The following AGAP1 variants were observed in gnomAD, a reference collection of about 807,000 sequenced individuals.
AGAP1 encodes the protein ArfGAP with GTPase domain, ankyrin repeat and PH domain 1.
A neutral mutation model predicts 105.3 loss-of-function variants in AGAP1; 29 were observed. The observed-to-expected ratio is 0.28, with a 90% CI of 0.21 to 0.38. The LOEUF (loss-of-function observed/expected upper bound fraction) is 0.38. AGAP1 is among the 10% of genes least tolerant of loss of function. The pLI is 1.00. For missense variants in AGAP1, 998 were observed against 1,165.1 expected (o/e 0.86, Z 2.09); for synonymous variants, 509 against 485.9 (o/e 1.05, Z -0.63).
chr2:235,978,222 T>C (rs911779770), intron 13 of AGAP1, among the ~76,000 whole-genome samples: 1 of 152,148 alleles, frequency 6.6e-6, no homozygotes, highest in East Asian at 1.9e-4. Context: ...GAGACAAACA[T>C]TCAGTCTGTA....
rs1215091408 is a variant in AGAP1, at chr2:235,801,996, C to CTGGG, written c.957+2476_957+2479dup. On this transcript the variant is annotated intron_variant, in intron 8 of 17. Transcript: ENST00000304032. The surrounding 1 kb of genome is among the most constrained non-coding windows in gnomAD (Gnocchi z 6.0). The stretch of plus-strand genomic sequence containing the variant: ...CAGTGTGCCAGAAAGTAGTATCCCA[C>CTGGG]TGGGTACCTGACAACCCAGGTGACT... 6.6e-6 allele frequency among the ~76,000 whole-genome samples: 1 copy of CTGGG among 152,150 alleles called. No homozygotes were observed. Among genetic ancestry groups the CTGGG allele is most frequent in the Non-Finnish European group, 1.5e-5 (1 of 68,038 alleles).
rs2049690403 is a variant in AGAP1 at position 235,875,664 on chromosome 2, TC to T, written c.1051-7678del. ...TCCCGGGAGTGTGTGGTCTCCTGTT[TC>T]CCATCTGCATTTGCTTATGGGGCGC... On this transcript the variant is annotated intron_variant, in intron 9 of 17. Coordinates refer to ENST00000304032, the MANE Select transcript of AGAP1 (RefSeq NM_001037131.3). This position sits in a 1 kb window ranked among gnomAD's most constrained non-coding sequence, Gnocchi z 4.0. Among the ~76,000 whole-genome samples, 1 of 152,162 alleles carries T rather than the reference TC, an allele frequency of 6.6e-6. No individual in the cohort carries two copies. The highest frequency in any genetic ancestry group is 2.4e-5 in the African/African-American group (1 of 41,452).
chr2:236,022,619 C>T (rs933938592), intron 13 of AGAP1, among the ~76,000 whole-genome samples: 7 of 152,164 alleles, frequency 4.6e-5, no homozygotes, highest in Non-Finnish European at 8.8e-5. Context: ...ACTGCAGCCT[C>T]CACCTCCAGG....
At chr2:235,929,230 G>A (rs2052601470) in intron 11 of AGAP1, among the ~76,000 whole-genome samples, 1 of 152,120 alleles carries the variant, frequency 6.6e-6, no homozygotes, top group Admixed American at 6.6e-5. Flanking sequence ...TGGCTGGAGT[G>A]GTTTTTTTAA....
At position 235,835,071 on chromosome 2, in the gene AGAP1, C is replaced by T. The variant is rs75538300; in HGVS notation, c.1050+27740C>T. Among the ~76,000 whole-genome samples the T allele has an allele frequency of 2.6e-3, 400 of 152,324 alleles. 1 individual carries two copies. Among genetic ancestry groups the T allele is most frequent in the African/African-American group, 9.0e-3 (376 of 41,580 alleles). ...CTCGGCCTCACACCTCCCCCGTTCC[C>T]GATTCTCTACTTTTGCTCTCCCCGA... On this transcript the variant is annotated intron_variant, in intron 9 of 17. Transcript: ENST00000304032.
Position 235,988,123 on chromosome 2 carries a change from GC to G in AGAP1, c.1645+19502del, listed in dbSNP as rs1311188912. Among the ~76,000 whole-genome samples the G allele has an allele frequency of 6.6e-6, 1 of 152,040 alleles. No homozygotes were observed. Among genetic ancestry groups the G allele is most frequent in the Non-Finnish European group, 1.5e-5 (1 of 67,982 alleles). ...GGTGGCATGATCTCGGCTCACTGAA[GC>G]CTCCACCTCCAAAGTTCAAGTGATT... On this transcript the variant is annotated intron_variant, in intron 13 of 17. Coordinates refer to ENST00000304032, the MANE Select transcript of AGAP1 (RefSeq NM_001037131.3). This position sits in a 1 kb window ranked among gnomAD's most constrained non-coding sequence, Gnocchi z 4.7.
chr2:236,050,460 A>AG lies in AGAP1; in HGVS notation c.2114+1180dup, dbSNP rs1374865982. On this transcript the variant is annotated intron_variant, in intron 16 of 17. Transcript: ENST00000304032. This position sits in a 1 kb window ranked among gnomAD's most constrained non-coding sequence, Gnocchi z 4.0. ...CTTTATGAGTTATGCTCTATAGTGTAGACAGGGGTAAGTTTCTTACAAACC... is the reference window on the plus strand; with the variant it reads ...CTTTATGAGTTATGCTCTATAGTGTAGGACAGGGGTAAGTTTCTTACAAACC... Among the ~76,000 whole-genome samples the AG allele has an allele frequency of 1.2e-4, 18 of 152,370 alleles. No individual in the cohort carries two copies. Among genetic ancestry groups the AG allele is most frequent in the Middle Eastern group, 3.4e-3 (1 of 294 alleles).
intron 1 of AGAP1, among the ~76,000 whole-genome samples, chr2:235,645,260 T>C (rs1947336052): frequency 6.6e-6 from 1 of 152,084 alleles, no homozygotes. Flanking sequence ...AGAATTACAG[T>C]TGAAAACTAA....
intron 1 of AGAP1, among the ~76,000 whole-genome samples, chr2:235,518,173 G>T (rs1942473920): frequency 6.6e-6 from 1 of 152,144 alleles, no homozygotes; most frequent in Non-Finnish European, 1.5e-5. Flanking sequence ...CTGTTCTGCT[G>T]CATTGGTTTC....
intron 10 of AGAP1, among the ~76,000 whole-genome samples, chr2:235,907,269 C>T (rs75165280): frequency 2.0e-5 from 3 of 152,310 alleles, no homozygotes; most frequent in Non-Finnish European, 4.4e-5. Flanking sequence ...CACCCTGCCT[C>T]GGTCCCTTGC....
Position 235,541,376 on chromosome 2 carries a change from C to CTTTTTTTT in AGAP1, c.163+46549_163+46556dup, listed in dbSNP as rs556785424. On this transcript the variant is annotated intron_variant, in intron 1 of 17. Transcript: ENST00000304032. ...ATTATTTCCTTTTTCCATTCTTATT[C>CTTTTTTTT]TTTTTTTTTTTTTTTTTTTTTTTTT... is the stretch of plus-strand genomic sequence containing the variant. Among the ~76,000 whole-genome samples, 56 of 91,100 alleles carry CTTTTTTTT rather than the reference C, an allele frequency of 6.1e-4. 2 individuals are homozygous for CTTTTTTTT. Among genetic ancestry groups the CTTTTTTTT allele is most frequent in the Non-Finnish European group, 8.8e-4 (41 of 46,548 alleles). 59.8% of individuals were successfully genotyped at this position (91,100 alleles called of 152,430 possible). A position where few individuals can be genotyped will look rare whatever the true frequency, so the allele number is the denominator to read the frequency against.
chr2:235,584,193 C>CTT (rs11447483), intron 1 of AGAP1, among the ~76,000 whole-genome samples: 18,650 of 139,818 alleles, frequency 0.13, 1,500 homozygotes, highest in Admixed American at 0.16. Context: ...CAATAAACCA[C>CTT]TTTTTTTTTT....
At chr2:235,585,466 G>C (rs987057908) in intron 1 of AGAP1, among the ~76,000 whole-genome samples, 1 of 152,170 alleles carries the variant, frequency 6.6e-6, no homozygotes, top group Non-Finnish European at 1.5e-5. Context: ...CTCTTCACAT[G>C]CACACAGTGG....
At chr2:235,494,963 C>A (rs3738998) in intron 1 of AGAP1, 114 bp downstream of exon 1, 610,016 of 1,094,724 alleles carry the variant, frequency 0.56, 171,399 homozygotes, top group East Asian at 0.68. Flanking sequence ...CACGCGGCTG[C>A]TCCGCCGAGG....
chr2:235,819,120 T>C (rs866194568), intron 9 of AGAP1, among the ~76,000 whole-genome samples: 2 of 150,474 alleles, frequency 1.3e-5, no homozygotes, highest in Non-Finnish European at 3.0e-5. Flanking sequence ...TTCTTTTCTT[T>C]TTTTTTTTTT....
Position 235,792,762 on chromosome 2 carries a change from C to T in AGAP1, c.674-4997C>T, listed in dbSNP as rs1047322088. Among the ~76,000 whole-genome samples the T allele has an allele frequency of 3.5e-4, 54 of 152,128 alleles. 1 individual carries two copies. Among genetic ancestry groups the T allele is most frequent in the Admixed American group, 1.2e-3 (18 of 15,278 alleles). On this transcript the variant is annotated intron_variant, in intron 6 of 17. Coordinates refer to ENST00000304032, the MANE Select transcript of AGAP1 (RefSeq NM_001037131.3). The surrounding 1 kb of genome is among the most constrained non-coding windows in gnomAD (Gnocchi z 5.3). ...AGGCTAGGAGGCCCAGGCTGGGCGGCGCGGACTTGAAGGCGCCTCTAGCAG... is the reference window on the plus strand; with the variant it reads ...AGGCTAGGAGGCCCAGGCTGGGCGGTGCGGACTTGAAGGCGCCTCTAGCAG...
Position 236,124,123 on chromosome 2 carries a change from G to A in AGAP1, c.*1G>A. 6.2e-7 allele frequency: 1 copy of A among 1,613,424 alleles called. No individual in the cohort carries two copies. Among genetic ancestry groups the A allele is most frequent in the Non-Finnish European group, 8.5e-7 (1 of 1,179,754 alleles). ...TGGGAGGGTGCCCACCATCATCTGA[G>A]GAACAGCCGTGCCCGCCTGCTCGCC... On this transcript the variant is annotated 3_prime_UTR_variant, in exon 18 of 18. Transcript: ENST00000304032. This position sits in a 1 kb window ranked among gnomAD's most constrained non-coding sequence, Gnocchi z 5.1.
intron 12 of AGAP1, among the ~76,000 whole-genome samples, chr2:235,950,747 A>G (rs1357803632): frequency 2.6e-5 from 4 of 152,226 alleles, no homozygotes; most frequent in Admixed American, 6.5e-5. Flanking sequence ...TTGGAGCACA[A>G]TCTTACCTTT....
chr2:235,863,089 C>A (rs1355402186), intron 9 of AGAP1, among the ~76,000 whole-genome samples: 1 of 152,218 alleles, frequency 6.6e-6, no homozygotes, highest in Non-Finnish European at 1.5e-5. Context: ...TTGTTAGAAT[C>A]ATTCAGTAAT....
Sources: allele counts gnomAD v4.1 joint callset (sites outside exome capture counted in the v4.1 genomes callset), GRCh38; gene constraint gnomAD v4.1.1; non-coding constraint Gnocchi (gnomAD v3.1); transcripts MANE v1.5; gene names NCBI Gene and HGNC (gene_info 2026-07-23, HGNC 2026-07-21).